LRRC56: variants seen among roughly 807,000 people sequenced by gnomAD.
LRRC56 encodes the protein leucine rich repeat containing 56.
In LRRC56, 41 loss-of-function variants were observed where a neutral mutation model predicts 47.8. The ratio of observed to expected loss-of-function variants is 0.86; its 90% confidence interval spans 0.67 to 1.11. LRRC56 has a LOEUF of 1.11. Ranked by LOEUF, LRRC56 falls within the 50% of genes most tolerant of loss-of-function variation. The pLI is 0.00. For synonymous variants in LRRC56, 387 were observed against 311.2 expected (o/e 1.24, Z -2.56); for missense variants, 759 against 704.2 (o/e 1.08, Z -0.88).
At position 552,239 on chromosome 11, in the gene LRRC56, G is replaced by A. The variant is rs1852438836; in HGVS notation, c.1181+7G>A. On this transcript the variant is annotated splice_region_variant and intron_variant, in intron 12 of 13. Transcript: ENST00000270115. ...GGAGGGAACATGGCGTGCGGTGGGT[G>A]TCCCTCCAGCTCTTCCACTGGGTGT... 6.2e-7 allele frequency: 1 copy of A among 1,606,480 alleles called. No homozygotes were observed. Among genetic ancestry groups the A allele is most frequent in the South Asian group, 1.1e-5 (1 of 90,644 alleles).
In LRRC56 at chr11:554,236, G is replaced by A. The variant is rs759610599; in HGVS notation, c.1589G>A (p.Arg530Lys). The A allele has an allele frequency of 7.9e-6, 12 of 1,514,324 alleles. No homozygotes were observed. In the African/African-American group the frequency reaches 1.2e-4, roughly 16 times the overall value. The allele number at this position is 1,514,324 out of a possible 1,614,324, so 93.8% of individuals were successfully genotyped here. ...PAPDAAARPP[R>K]AAELSHPSPV... is the part of the protein sequence containing the mutation. Reference sequence around the variant, plus strand: ...CCAGATGCAGCAGCTAGACCTCCCAGGGCAGCTGAACTCTCTCACCCCAGC... The same window carrying A: ...CCAGATGCAGCAGCTAGACCTCCCAAGGCAGCTGAACTCTCTCACCCCAGC... Residue 530 changes from arginine (R) to lysine (K), a missense_variant, in exon 14 of 14, where the codon AGG (arginine) becomes AAG (lysine). Coordinates refer to ENST00000270115, the MANE Select transcript of LRRC56 (RefSeq NM_198075.4).
At chr11:537,129 G>C (rs1314295968), upstream of LRRC56, 1 of 152,244 alleles carries the variant, frequency 6.6e-6, no homozygotes, top group Non-Finnish European at 1.5e-5. Flanking sequence ...TCGGCCCCAG[G>C]GGCGACCCTT....
the LRRC56 span, among the ~76,000 whole-genome samples, chr11:520,899 C>G: frequency 6.6e-6 from 1 of 152,198 alleles, no homozygotes; most frequent in Non-Finnish European, 1.5e-5. Context: ...GCTGCTGGTT[C>G]CATTCAACAG....
At chr11:523,499 TG>T in the LRRC56 span, among the ~76,000 whole-genome samples, 694 of 151,260 alleles carry the variant, frequency 4.6e-3, 2 homozygotes, top group African/African-American at 0.011. Flanking sequence ...CGTGTGGTGG[TG>T]GGCACCCATA....
intron 5 of LRRC56, among the ~76,000 whole-genome samples, chr11:542,331 G>T (rs1217705442): frequency 2.6e-5 from 4 of 152,098 alleles, no homozygotes; most frequent in Non-Finnish European, 5.9e-5. Context: ...AATAATCTCA[G>T]CCAGGCACAG....
chr11:533,664 T>G (rs143771550), upstream of LRRC56: 1 of 1,612,704 alleles, frequency 6.2e-7, no homozygotes, highest in South Asian at 1.1e-5. Flanking sequence ...CGCAGCGGCA[T>G]CCAGGACATG....
chr11:508,400 C>T, the LRRC56 span, among the ~76,000 whole-genome samples: 4 of 152,234 alleles, frequency 2.6e-5, no homozygotes, highest in Admixed American at 6.5e-5. Context: ...CTCAAGTGAT[C>T]CTCCTGCTTC....
chr11:530,514 C>T, the LRRC56 span, among the ~76,000 whole-genome samples: 1 of 109,700 alleles, frequency 9.1e-6, no homozygotes, highest in African/African-American at 3.9e-5. Context: ...AGTGTGGCGT[C>T]CCCTGGAGAG....
chr11:554,482 G>A lies in LRRC56; in HGVS notation c.*206G>A, dbSNP rs1852645404. 3 of 460,542 alleles carry A rather than the reference G, an allele frequency of 6.5e-6. No homozygotes were observed. Among genetic ancestry groups the A allele is most frequent in the South Asian group, 5.8e-5 (1 of 17,114 alleles). 28.5% of individuals were successfully genotyped at this position (460,542 alleles called of 1,614,324 possible). A position where few individuals can be genotyped will look rare whatever the true frequency, so the allele number is the denominator to read the frequency against. On this transcript the variant is annotated 3_prime_UTR_variant, in exon 14 of 14. Coordinates refer to ENST00000270115, the MANE Select transcript of LRRC56 (RefSeq NM_198075.4). ...TGGAACCCAGTTTAGGCCCCCAACT[G>A]GGTTTGGCCTGGGGAGGGAGGGTCC...
the LRRC56 span, among the ~76,000 whole-genome samples, chr11:518,902 C>CGGGGGG: frequency 6.6e-5 from 10 of 150,578 alleles, no homozygotes; most frequent in African/African-American, 1.2e-4. Context: ...GGGACCGGGG[C>CGGGGGG]GGGGGGGCGT....
At chr11:532,070 A>G in the LRRC56 span, among the ~76,000 whole-genome samples, 2 of 152,188 alleles carry the variant, frequency 1.3e-5, no homozygotes, top group African/African-American at 4.8e-5. Context: ...AGCCGTGGAC[A>G]CTGGGGCAGG....
At chr11:518,575 C>A in the LRRC56 span, among the ~76,000 whole-genome samples, 1 of 152,042 alleles carries the variant, frequency 6.6e-6, no homozygotes, top group Admixed American at 6.6e-5. Flanking sequence ...CGGCCGCCTC[C>A]GCCTCCCAAA....
chr11:533,317 C>T, upstream of LRRC56: 1 of 1,602,880 alleles, frequency 6.2e-7, no homozygotes. Context: ...CCGGGGGGTC[C>T]CAGAGGGTCC....
chr11:546,717 G>A (rs757729161), intron 6 of LRRC56, among the ~76,000 whole-genome samples: 13 of 152,070 alleles, frequency 8.5e-5, no homozygotes, highest in Non-Finnish European at 1.8e-4. Context: ...ACGACACCGC[G>A]AACGAGAAAC....
the LRRC56 span, among the ~76,000 whole-genome samples, chr11:516,335 G>A: frequency 6.6e-6 from 1 of 152,068 alleles, no homozygotes; most frequent in Non-Finnish European, 1.5e-5. Context: ...GGAGGCTGCA[G>A]TGAGCTGAGA....
chr11:544,459 C>T (rs574426751), intron 5 of LRRC56, among the ~76,000 whole-genome samples: 1 of 152,312 alleles, frequency 6.6e-6, no homozygotes, highest in South Asian at 2.1e-4. Context: ...AGCCGTGAGG[C>T]TTTGGGGGCT....
chr11:533,210 C>A, upstream of LRRC56: 3 of 1,368,478 alleles, frequency 2.2e-6, no homozygotes, highest in Non-Finnish European at 3.0e-6. Context: ...CGGCCCAGGA[C>A]TGCAGGGCGT....
At chr11:507,663 C>T in the LRRC56 span, among the ~76,000 whole-genome samples, 1 of 152,236 alleles carries the variant, frequency 6.6e-6, no homozygotes. Flanking sequence ...AAGCGGCCGC[C>T]TCGGGACAGG....
chr11:549,845 G>C, intron 6 of LRRC56, 57 bp from the exon 7 acceptor site: 1 of 1,486,874 alleles, frequency 6.7e-7, no homozygotes, highest in South Asian at 1.1e-5. Context: ...CCAAAGGCAG[G>C]TGGTGGCTGA....
Sources: allele counts gnomAD v4.1 joint callset (sites outside exome capture counted in the v4.1 genomes callset), GRCh38; gene constraint gnomAD v4.1.1; transcripts MANE v1.5; gene names NCBI Gene and HGNC (gene_info 2026-07-23, HGNC 2026-07-21).